The following POU6F2 variants were observed in gnomAD, a reference collection of about 807,000 sequenced individuals.
POU6F2 encodes POU domain, class 6, transcription factor 2.
Under a neutral mutation model 71.3 loss-of-function variants are expected in POU6F2, and 31 were observed. The observed-to-expected ratio is 0.43, with a 90% CI of 0.33 to 0.59. POU6F2 has a LOEUF of 0.59. Among genes scored for constraint, POU6F2 ranks in the 20% least tolerant of loss-of-function variants. The pLI is 0.04. For missense variants in POU6F2, 783 were observed against 856.8 expected, an observed-to-expected ratio of 0.91 and a Z score of 1.07; for synonymous variants, 347 against 355.7, an observed-to-expected ratio of 0.98 and a Z score of 0.27.
intron 2 of POU6F2, among the ~76,000 whole-genome samples, chr7:39,145,218 T>C (rs1366928380): frequency 6.6e-6 from 1 of 152,218 alleles, no homozygotes; most frequent in Non-Finnish European, 1.5e-5. Context: ...ATTTCCTCCA[T>C]AAGTTAAGAA....
rs35710081 is a variant in POU6F2, at chr7:39,082,794, GCACACA to G, written c.106-3029_106-3024del. Reference sequence around the variant, plus strand: ...GGGGTTTGCTGTTTAACCATGTCATGCACACACACACACACACACACACACACACAC... The same window carrying G: ...GGGGTTTGCTGTTTAACCATGTCATGCACACACACACACACACACACACAC... On this transcript the variant is annotated intron_variant, in intron 1 of 9. Transcript: ENST00000518318. Among the ~76,000 whole-genome samples, 1,290 of 137,156 alleles carry G rather than the reference GCACACA, an allele frequency of 9.4e-3. 10 individuals are homozygous for G. The highest frequency in any genetic ancestry group is 0.018 in the Middle Eastern group (5 of 276). The allele number at this position is 137,156 out of a possible 152,430, so 90.0% of individuals were successfully genotyped here.
At chr7:39,355,207 GCATGGTGTTTTT>G (rs1241513563) in intron 5 of POU6F2, among the ~76,000 whole-genome samples, 6 of 152,202 alleles carry the variant, frequency 3.9e-5, no homozygotes, top group African/African-American at 1.4e-4. Context: ...TTGGGGAAGG[GCATGGTGTTTTT>G]CATGACATTG....
In POU6F2 at chr7:39,155,995, T is replaced by G. The variant is rs985796324; in HGVS notation, c.278-48240T>G. Among the ~76,000 whole-genome samples the G allele has an allele frequency of 2.2e-4, 33 of 152,160 alleles. 2 individuals are homozygous for G. Among genetic ancestry groups the G allele is most frequent in the Non-Finnish European group, 4.4e-5 (3 of 68,036 alleles). On this transcript the variant is annotated intron_variant, in intron 2 of 9. Coordinates refer to ENST00000518318, the MANE Select transcript of POU6F2 (RefSeq NM_001370959.1). ...CAAAATGTAACTCCTATCCTGAATTTGATGGGTCACATTATTTTTCATATT... is the reference window on the plus strand; with the variant it reads ...CAAAATGTAACTCCTATCCTGAATTGGATGGGTCACATTATTTTTCATATT...
chr7:39,404,998 T>C (rs1177429002), intron 5 of POU6F2: 1 of 152,158 alleles, frequency 6.6e-6, no homozygotes, highest in Admixed American at 6.5e-5. Flanking sequence ...AGTGAGAATT[T>C]TTTTCTCCTT....
chr7:39,031,712 C>A (rs560791210), intron 1 of POU6F2, among the ~76,000 whole-genome samples: 60 of 151,982 alleles, frequency 3.9e-4, no homozygotes, highest in Admixed American at 1.0e-3. Context: ...AAAACCCCGT[C>A]TCTAATAAAA....
At chr7:39,267,118 T>A (rs539112708) in intron 4 of POU6F2, among the ~76,000 whole-genome samples, 233 of 152,228 alleles carry the variant, frequency 1.5e-3, no homozygotes, top group South Asian at 1.0e-3. Context: ...AATAACATAA[T>A]TGGAGAAGAA....
At chr7:39,376,010 A>T (rs896895155) in intron 5 of POU6F2, among the ~76,000 whole-genome samples, 4 of 152,030 alleles carry the variant, frequency 2.6e-5, no homozygotes, top group African/African-American at 9.7e-5. Context: ...AATTCTCAAA[A>T]CCTCAGTTTC....
intron 1 of POU6F2, among the ~76,000 whole-genome samples, chr7:39,012,902 G>A (rs373067706): frequency 1.4e-3 from 215 of 152,326 alleles, no homozygotes; most frequent in Middle Eastern, 0.01. Context: ...CCAGCTGCGT[G>A]CTGGGAGAAC....
At chr7:39,168,129 GA>G (rs1416786248) in intron 2 of POU6F2, among the ~76,000 whole-genome samples, 7 of 152,102 alleles carry the variant, frequency 4.6e-5, no homozygotes, top group South Asian at 2.1e-4. Context: ...TCTTATAAGA[GA>G]TTTTTTTTGT....
intron 4 of POU6F2, among the ~76,000 whole-genome samples, chr7:39,222,421 T>C (rs908671944): frequency 2.0e-5 from 3 of 152,178 alleles, no homozygotes; most frequent in African/African-American, 2.4e-5. Flanking sequence ...ACATAAAATT[T>C]ATCATCTTAA....
intron 8 of POU6F2, among the ~76,000 whole-genome samples, chr7:39,457,000 A>G (rs1413036230): frequency 1.3e-5 from 2 of 152,230 alleles, no homozygotes; most frequent in Non-Finnish European, 2.9e-5. Flanking sequence ...AATCCACACA[A>G]CAGCATCAAT....
intron 4 of POU6F2, among the ~76,000 whole-genome samples, chr7:39,208,101 A>G (rs1794060046): frequency 6.6e-6 from 1 of 152,228 alleles, no homozygotes; most frequent in Non-Finnish European, 1.5e-5. Context: ...TTTTAGTTAT[A>G]GTTATTAAAC....
rs545598008 is a variant in POU6F2, at chr7:39,355,741, A to G, written c.972+15726A>G. ...AAGTTTCAACATTATACCACTGCCT[A>G]TGTGGTTGAAAACACACAGCAGATT... On this transcript the variant is annotated intron_variant, in intron 5 of 9. Coordinates refer to ENST00000518318, the MANE Select transcript of POU6F2 (RefSeq NM_001370959.1). 3.2e-4 allele frequency among the ~76,000 whole-genome samples: 49 copies of G among 152,316 alleles called. 1 individual carries two copies. The East Asian group carries it at 8.9e-3, about 28-fold the overall frequency.
At chr7:38,980,121 G>A (rs913071061) in intron 1 of POU6F2, among the ~76,000 whole-genome samples, 2 of 152,096 alleles carry the variant, frequency 1.3e-5, no homozygotes, top group African/African-American at 4.8e-5. Flanking sequence ...AACTCTACAG[G>A]TTAATGACTT....
At chr7:39,095,882 C>T (rs1350880729) in intron 2 of POU6F2, among the ~76,000 whole-genome samples, 1 of 152,152 alleles carries the variant, frequency 6.6e-6, no homozygotes, top group Non-Finnish European at 1.5e-5. Context: ...TCTTGATCTC[C>T]TACTTAGAAA....
intron 4 of POU6F2, 39 bp downstream of exon 4, chr7:39,207,659 C>G: frequency 1.3e-6 from 2 of 1,570,694 alleles, no homozygotes; most frequent in Non-Finnish European, 1.7e-6. Flanking sequence ...AGGCTCTACC[C>G]GTTGGCCAGT....
intron 1 of POU6F2, among the ~76,000 whole-genome samples, chr7:39,005,484 C>CTGTGTGTGTGTGTGTGTGTGTGTGTG (rs56984287): frequency 0.022 from 2,761 of 126,562 alleles, 113 homozygotes; most frequent in Middle Eastern, 0.033. Context: ...AGGGAGAAAC[C>CTGTGTGTGTGTGTGTGTGTGTGTGTG]TGTGTGTGTG....
chr7:38,988,632 T>C (rs1788521180), intron 1 of POU6F2, among the ~76,000 whole-genome samples: 2 of 152,124 alleles, frequency 1.3e-5, no homozygotes, highest in South Asian at 4.1e-4. Flanking sequence ...AGTGAGCACT[T>C]ACTAGGTGCC....
At chr7:39,061,829 A>G (rs1254185341) in intron 1 of POU6F2, among the ~76,000 whole-genome samples, 5 of 152,184 alleles carry the variant, frequency 3.3e-5, no homozygotes, top group African/African-American at 1.2e-4. Context: ...TGCCTGTCAA[A>G]TACCAAAGAC....
Sources: allele counts gnomAD v4.1 joint callset (sites outside exome capture counted in the v4.1 genomes callset), GRCh38; gene constraint gnomAD v4.1.1; transcripts MANE v1.5; gene names NCBI Gene and HGNC (gene_info 2026-07-23, HGNC 2026-07-21).